NUP93: variants seen among roughly 807,000 people sequenced by gnomAD.
The protein encoded by NUP93 is nucleoporin 93.
A neutral mutation model predicts 107.8 loss-of-function variants in NUP93; 55 were observed. The observed-to-expected ratio is 0.51, with a 90% CI of 0.41 to 0.64. The LOEUF is 0.64. NUP93 is among the 30% of genes least tolerant of loss of function. NUP93 has a pLI of 0.00. For missense variants in NUP93, 937 were observed against 1,044.7 expected (o/e 0.90, Z 1.42); for synonymous variants, 390 against 397.5 (o/e 0.98, Z 0.22).
chr16:56,839,660 C>G (rs996393304), intron 20 of NUP93, 56 bp downstream of exon 20: 6 of 1,371,820 alleles, frequency 4.4e-6, no homozygotes, highest in South Asian at 1.2e-5. Flanking sequence ...CCACCAAAAG[C>G]TTTTTCTTTT....
chr16:56,751,911 G>A (rs1265805245), intron 2 of NUP93, among the ~76,000 whole-genome samples: 3 of 152,118 alleles, frequency 2.0e-5, no homozygotes, highest in Non-Finnish European at 2.9e-5. Context: ...TCTAGTACAA[G>A]CTTTATTTAT....
Position 56,834,160 on chromosome 16 carries a change from C to T in NUP93, c.1570C>T (p.Arg524Trp), listed in dbSNP as rs771065608. 5.0e-6 allele frequency: 8 copies of T among 1,614,150 alleles called. No individual in the cohort carries two copies. The East Asian group carries it at 1.3e-4, about 27-fold the overall frequency. ...SHEPGDPPCL[R>W]RLNFVRLLML... ...CGAGCCTGGTGACCCTCCTTGCTTGCGGCGGCTGAACTTCGTGCGGCTCCT... is the reference window on the plus strand; with the variant it reads ...CGAGCCTGGTGACCCTCCTTGCTTGTGGCGGCTGAACTTCGTGCGGCTCCT... Residue 524 changes from arginine (R) to tryptophan (W), a missense_variant, in exon 14 of 22, where the codon CGG (arginine) becomes TGG (tryptophan). Coordinates refer to ENST00000308159, the MANE Select transcript of NUP93 (RefSeq NM_014669.5).
chr16:56,811,468 T>TG (rs1963314031), intron 5 of NUP93, among the ~76,000 whole-genome samples: 1 of 152,082 alleles, frequency 6.6e-6, no homozygotes, highest in Admixed American at 6.5e-5. Context: ...CAGCAGGCTT[T>TG]GGGTCCCCAA....
chr16:56,823,031 T>C (rs1283372408), intron 7 of NUP93, among the ~76,000 whole-genome samples: 2 of 152,040 alleles, frequency 1.3e-5, no homozygotes. Flanking sequence ...TTGCCAAGGG[T>C]TCAGGGAACA....
chr16:56,763,958 C>G (rs1262061654), intron 3 of NUP93, among the ~76,000 whole-genome samples: 1 of 152,006 alleles, frequency 6.6e-6, no homozygotes, highest in Non-Finnish European at 1.5e-5. Context: ...AAGTGATAAA[C>G]AGGATAAAAT....
chr16:56,792,364 A>G (rs1432270288), intron 3 of NUP93, among the ~76,000 whole-genome samples: 2 of 152,236 alleles, frequency 1.3e-5, no homozygotes, highest in Non-Finnish European at 2.9e-5. Context: ...ATAAAATATC[A>G]GTTTATCTCA....
chr16:56,746,427 T>C (rs1400680481), intron 1 of NUP93, among the ~76,000 whole-genome samples: 2 of 152,244 alleles, frequency 1.3e-5, no homozygotes, highest in African/African-American at 4.8e-5. Flanking sequence ...AGCCTGATTA[T>C]ATGGGTCAAA....
chr16:56,806,376 C>A (rs1308571489), intron 5 of NUP93, among the ~76,000 whole-genome samples: 1 of 152,060 alleles, frequency 6.6e-6, no homozygotes, highest in African/African-American at 2.4e-5. Flanking sequence ...ACTGTCATCT[C>A]TTGCTTGGAT....
At chr16:56,832,098 C>T in intron 11 of NUP93, 91 bp downstream of exon 11, 1 of 1,470,142 alleles carries the variant, frequency 6.8e-7, no homozygotes, top group Non-Finnish European at 9.4e-7. Context: ...TGTATGATGC[C>T]AATACAGTGA....
intron 3 of NUP93, among the ~76,000 whole-genome samples, chr16:56,794,792 G>T (rs1962854260): frequency 6.6e-6 from 1 of 151,890 alleles, no homozygotes; most frequent in Non-Finnish European, 1.5e-5. Context: ...GCTGGGCGTG[G>T]TTGCAGGCGC....
intron 1 of NUP93, among the ~76,000 whole-genome samples, chr16:56,738,715 A>C (rs1165511248): frequency 1.3e-5 from 2 of 152,168 alleles, no homozygotes; most frequent in Non-Finnish European, 2.9e-5. Flanking sequence ...AATAGTAAAA[A>C]GTGGAATGAT....
intron 1 of NUP93, among the ~76,000 whole-genome samples, chr16:56,732,420 C>T (rs753842727): frequency 2.0e-5 from 3 of 152,138 alleles, no homozygotes; most frequent in Non-Finnish European, 4.4e-5. Context: ...GTGGAGGGTA[C>T]CACTAGCAAT....
At chr16:56,756,178 C>T (rs763150662) in intron 2 of NUP93, among the ~76,000 whole-genome samples, 37 of 151,324 alleles carry the variant, frequency 2.4e-4, no homozygotes, top group Non-Finnish European at 2.4e-4. Flanking sequence ...GCAGAATGTC[C>T]GGGTTTGTTA....
chr16:56,759,510 C>G (rs1467523289), intron 3 of NUP93, among the ~76,000 whole-genome samples: 1 of 152,140 alleles, frequency 6.6e-6, no homozygotes, highest in Non-Finnish European at 1.5e-5. Context: ...ATTCAGAAAC[C>G]TAAAACTACT....
At chr16:56,772,080 C>T (rs1962332307) in intron 3 of NUP93, among the ~76,000 whole-genome samples, 1 of 151,990 alleles carries the variant, frequency 6.6e-6, no homozygotes, top group Non-Finnish European at 1.5e-5. Flanking sequence ...CTGTTCTTTG[C>T]ATCCCTCTCT....
intron 2 of NUP93, among the ~76,000 whole-genome samples, chr16:56,755,943 C>T (rs1962010369): frequency 6.6e-6 from 1 of 152,050 alleles, no homozygotes; most frequent in African/African-American, 2.4e-5. Context: ...GGTGCAGTGG[C>T]AAGCATCCTT....
Position 56,841,732 on chromosome 16 carries a change from C to G in NUP93, c.2248C>G (p.Leu750Val), listed in dbSNP as rs762067783. The change falls in exon 21 of 22, where the codon CTT becomes GTT. Residue 750 changes from leucine to valine, a missense_variant. Transcript: ENST00000308159. Reference sequence around the variant, plus strand: ...CAGGCACAACCTCTCAGAAGTGCTTCTTGCCACCATGAACATCTTGTTCAC... The same window carrying G: ...CAGGCACAACCTCTCAGAAGTGCTTGTTGCCACCATGAACATCTTGTTCAC... Reference protein sequence around the residue: ...EIRHNLSEVLLATMNILFTQF... With the variant: ...EIRHNLSEVLVATMNILFTQF... 9.4e-5 allele frequency: 151 copies of G among 1,614,080 alleles called. No individual in the cohort carries two copies. The highest frequency in any genetic ancestry group is 1.6e-4 in the Middle Eastern group (1 of 6,084).
intron 3 of NUP93, among the ~76,000 whole-genome samples, chr16:56,787,967 CTG>C (rs1410043717): frequency 1.9e-4 from 29 of 152,328 alleles, no homozygotes; most frequent in African/African-American, 7.0e-4. Flanking sequence ...GCCAGACATA[CTG>C]TGACACACTG....
chr16:56,830,618 C>G lies in NUP93; in HGVS notation c.1018C>G (p.Arg340Gly), dbSNP rs765875794. The change falls in exon 10 of 22, where the codon CGA (arginine) becomes GGA (glycine). Residue 340 changes from arginine (R) to glycine (G), a missense_variant. Arg to Gly is a moderately radical substitution (Grantham distance 125). Coordinates refer to ENST00000308159, the MANE Select transcript of NUP93 (RefSeq NM_014669.5). ...GCTTGCCGCTTCACAGGTAGTTAAT[C>G]GAGCCCAGCACCAGCTGGGAGAGTT... ...DLLAASQVVN[R>G]AQHQLGEFKT... The G allele has an allele frequency of 1.9e-6, 3 of 1,610,408 alleles. No individual in the cohort carries two copies. The Admixed American group carries it at 5.0e-5, about 27-fold the overall frequency.
Sources: gnomAD v4.1 joint callset for allele counts (sites outside exome capture counted in the v4.1 genomes callset) on GRCh38, gnomAD v4.1.1 for gene constraint, MANE v1.5 for transcripts, NCBI Gene and HGNC (gene_info 2026-07-23, HGNC 2026-07-21) for gene names.